Variants in UBR2 observed in about 807,000 individuals in gnomAD.
UBR2 encodes the protein ubiquitin protein ligase E3 component n-recognin 2.
A neutral mutation model predicts 247.9 loss-of-function variants in UBR2; 92 were observed. The ratio of observed to expected loss-of-function variants is 0.37; its 90% CI spans 0.31 to 0.44. The LOEUF is 0.44. Ranked by LOEUF, UBR2 falls within the 20% of genes least tolerant of loss-of-function variation. The pLI is 1.00. For synonymous variants in UBR2, 672 were observed against 693.5 expected, an observed-to-expected ratio of 0.97 and a Z score of 0.49; for missense variants, 1,613 against 2,112.6, an observed-to-expected ratio of 0.76 and a Z score of 4.64.
intron 8 of UBR2, among the ~76,000 whole-genome samples, chr6:42,614,314 GTATGTATATATGTGTA>G (rs1191130471): frequency 8.3e-6 from 1 of 120,786 alleles, no homozygotes; most frequent in African/African-American, 3.3e-5. Flanking sequence ...GCGTATATGG[GTATGTATATATGTGTA>G]TATGTGTATG....
intron 9 of UBR2, 35 bp from the exon 10 acceptor site, chr6:42,615,967 T>A: frequency 6.4e-6 from 9 of 1,404,992 alleles, no homozygotes; most frequent in African/African-American, 1.5e-5. Context: ...TTGTTGGGCG[T>A]GTCCTTATCT....
intron 11 of UBR2, among the ~76,000 whole-genome samples, chr6:42,625,864 AGTGCAGTG>A (rs1166773921): frequency 7.0e-6 from 1 of 143,304 alleles, no homozygotes; most frequent in Non-Finnish European, 1.5e-5. Context: ...CCCAGGTTGG[AGTGCAGTG>A]GTGCGATCTC....
At chr6:42,685,982 T>C (rs1290224021) in intron 44 of UBR2, among the ~76,000 whole-genome samples, 3 of 152,220 alleles carry the variant, frequency 2.0e-5, no homozygotes, top group Non-Finnish European at 4.4e-5. Context: ...CCTCTGAAGA[T>C]ACCTACTATT....
chr6:42,686,994 CCT>C (rs1465501141), intron 44 of UBR2, among the ~76,000 whole-genome samples: 1 of 151,950 alleles, frequency 6.6e-6, no homozygotes, highest in Non-Finnish European at 1.5e-5. Context: ...CTCCTCACTT[CCT>C]AGACGGGATG....
rs774679960 is a variant in UBR2 at position 42,564,382 on chromosome 6, C to T, written c.63C>T (p.Ala21=). 1.1e-5 allele frequency: 17 copies of T among 1,609,960 alleles called. No homozygotes were observed. The East Asian group carries it at 3.4e-4, about 32-fold the overall frequency. Reference sequence around the variant, plus strand: ...ACCGGAGCTTGCTGGAATGTTCGGCCGAGGAGATTGCGGGGGTGAGTGCCG... The same window carrying T: ...ACCGGAGCTTGCTGGAATGTTCGGCTGAGGAGATTGCGGGGGTGAGTGCCG... ...AIDRSLLECS[A]EEIAGKWLQA... is the part of the protein sequence containing the mutation. Residue 21 remains alanine (A), a synonymous_variant, in exon 1 of 47, where the codon GCC becomes GCT. Coordinates refer to ENST00000372901, the MANE Select transcript of UBR2 (RefSeq NM_001363705.2).
At chr6:42,579,167 G>C (rs986380968) in intron 2 of UBR2, among the ~76,000 whole-genome samples, 1 of 152,212 alleles carries the variant, frequency 6.6e-6, no homozygotes. Flanking sequence ...CATTTGCTCA[G>C]CTTCAGGTGG....
chr6:42,669,436 G>C (rs557936812), intron 34 of UBR2, among the ~76,000 whole-genome samples: 1 of 152,010 alleles, frequency 6.6e-6, no homozygotes, highest in Non-Finnish European at 1.5e-5. Flanking sequence ...TTTCTTCTTT[G>C]AGGTAGTTCT....
chr6:42,599,181 T>C (rs368189408), intron 4 of UBR2, among the ~76,000 whole-genome samples: 11 of 152,218 alleles, frequency 7.2e-5, no homozygotes, highest in African/African-American at 2.7e-4. Flanking sequence ...CACTCACAAA[T>C]GCTGCTCCCA....
intron 36 of UBR2, among the ~76,000 whole-genome samples, chr6:42,671,205 A>G (rs1798409804): frequency 6.6e-6 from 1 of 151,144 alleles, no homozygotes; most frequent in Non-Finnish European, 1.5e-5. Context: ...AAAAAAAAAA[A>G]ATTGCAGCCT....
At position 42,678,536 on chromosome 6, in the gene UBR2, T is replaced by G. The variant is rs762951401; in HGVS notation, c.4479-3T>G. 1.9e-6 allele frequency: 3 copies of G among 1,602,838 alleles called. No homozygotes were observed. In the East Asian group the frequency reaches 6.7e-5, roughly 36 times the overall value. On this transcript the variant is annotated splice_polypyrimidine_tract_variant and splice_region_variant and intron_variant, in intron 40 of 46. Coordinates refer to ENST00000372901, the MANE Select transcript of UBR2 (RefSeq NM_001363705.2). ...TCCCAATAATCTTTTTTTTCTTTTT[T>G]AGTGCCTTGAAAGAAATACCATCCG...
intron 40 of UBR2, among the ~76,000 whole-genome samples, 196 bp from the exon 41 acceptor site, chr6:42,678,343 T>G (rs1202999710): frequency 6.6e-6 from 1 of 152,002 alleles, no homozygotes; most frequent in Non-Finnish European, 1.5e-5. Context: ...CTCAAAAAAT[T>G]TAATAACAGC....
At chr6:42,677,905 CT>C (rs1203314567) in intron 40 of UBR2, among the ~76,000 whole-genome samples, 3 of 152,136 alleles carry the variant, frequency 2.0e-5, no homozygotes, top group Admixed American at 6.5e-5. Context: ...TAAAATATGG[CT>C]CCTAGGAGCT....
rs55788853 is a variant in UBR2, at chr6:42,691,800, T to TC, written c.*627_*628insC. The TC allele has an allele frequency of 0.22, 33,637 of 149,766 alleles. 3,808 individuals carry two copies. Among genetic ancestry groups the TC allele is most frequent in the African/African-American group, 0.26 (10,437 of 40,674 alleles). 9.3% of individuals were successfully genotyped at this position (149,766 alleles called of 1,614,324 possible). On this transcript the variant is annotated 3_prime_UTR_variant, in exon 47 of 47. Coordinates refer to ENST00000372901, the MANE Select transcript of UBR2 (RefSeq NM_001363705.2). Reference sequence around the variant, plus strand: ...GTTAGAGGTTTTTTTTTTTTCTTTTTTTTTTTATGGCAAGACTTTTGGCTT... The same window carrying TC: ...GTTAGAGGTTTTTTTTTTTTCTTTTTCTTTTTTATGGCAAGACTTTTGGCTT...
chr6:42,564,845 T>C (rs1468462231), intron 1 of UBR2, among the ~76,000 whole-genome samples: 2 of 151,568 alleles, frequency 1.3e-5, no homozygotes, highest in East Asian at 4.0e-4. Context: ...CATGCCACCC[T>C]AACCGAGCCC....
intron 7 of UBR2, among the ~76,000 whole-genome samples, chr6:42,607,792 C>T (rs988186933): frequency 7.0e-6 from 1 of 143,258 alleles, no homozygotes; most frequent in Non-Finnish European, 1.5e-5. Flanking sequence ...AATTACTTTG[C>T]TTAATTTACT....
intron 1 of UBR2, among the ~76,000 whole-genome samples, chr6:42,571,316 G>A (rs1203816434): frequency 1.3e-5 from 2 of 149,332 alleles, no homozygotes. Flanking sequence ...TTTTGCAACA[G>A]TGAAGTTTTA....
In UBR2 at chr6:42,635,437, G is replaced by A. The variant is rs775421046; in HGVS notation, c.1565G>A (p.Arg522His). 1.7e-5 allele frequency: 28 copies of A among 1,613,054 alleles called. No homozygotes were observed. Among genetic ancestry groups the A allele is most frequent in the Non-Finnish European group, 2.3e-5 (27 of 1,179,560 alleles). The change falls in exon 14 of 47, where the codon CGT becomes CAT. Residue 522 changes from arginine (R) to histidine (H), a missense_variant. Physicochemically the swap from Arg to His is conservative, Grantham distance 29 (BLOSUM62 0). Transcript: ENST00000372901. ...KCMQGMDPIT[R>H]QVGQHIEMEP... ...GTTAAGGGAATGGATCCAATTACAC[G>A]TCAAGTAGGACAACATATTGAAATG...
rs531821082 is a variant in UBR2 at position 42,566,746 on chromosome 6, G to A, written c.78+2349G>A. Among the ~76,000 whole-genome samples the A allele has an allele frequency of 2.1e-4, 32 of 150,990 alleles. No homozygotes were observed. The East Asian group carries it at 4.1e-3, about 19-fold the overall frequency. On this transcript the variant is annotated intron_variant, in intron 1 of 46. Coordinates refer to ENST00000372901, the MANE Select transcript of UBR2 (RefSeq NM_001363705.2). ...ATAAGTTTTTTTTTTTCTTTTTTTG[G>A]TAAGAGATGGGGTCTTGCACTGTTG...
chr6:42,654,084 C>T (rs926733436), intron 25 of UBR2, among the ~76,000 whole-genome samples: 10 of 152,130 alleles, frequency 6.6e-5, no homozygotes, highest in African/African-American at 2.2e-4. Flanking sequence ...TTTTGGAGCC[C>T]TCCTCGGGAG....
Sources: allele counts gnomAD v4.1 joint callset (sites outside exome capture counted in the v4.1 genomes callset), GRCh38; gene constraint gnomAD v4.1.1; transcripts MANE v1.5; gene names NCBI Gene and HGNC (gene_info 2026-07-23, HGNC 2026-07-21).